Variants in ASTN2 observed in about 807,000 individuals in gnomAD.
ASTN2 encodes the protein astrotactin 2.
In ASTN2, 54 loss-of-function variants were observed where a neutral mutation model predicts 139.8. The observed-to-expected ratio is 0.39, with a 90% confidence interval of 0.31 to 0.48. ASTN2 has a LOEUF of 0.48. ASTN2 is among the 20% of genes least tolerant of loss of function. The pLI, the probability that ASTN2 is intolerant of heterozygous loss-of-function variation, is 0.95. For missense variants in ASTN2, 1,565 were observed against 1,725.1 expected (o/e 0.91, Z 1.64); for synonymous variants, 756 against 719.5 (o/e 1.05, Z -0.81).
At chr9:117,375,479 C>T (rs2226006) in intron 1 of ASTN2, among the ~76,000 whole-genome samples, 79,495 of 152,138 alleles carry the variant, frequency 0.52, 21,194 homozygotes, top group Admixed American at 0.6. Context: ...ATAACTTCCA[C>T]GAGCAAGCAT....
intron 10 of ASTN2, among the ~76,000 whole-genome samples, chr9:116,890,075 A>T (rs1833724569): frequency 6.6e-6 from 1 of 152,206 alleles, no homozygotes; most frequent in African/African-American, 2.4e-5. Flanking sequence ...ATTGATCAAC[A>T]TTTCAGAGGT....
At chr9:117,190,815 C>T (rs1831324913) in intron 3 of ASTN2, among the ~76,000 whole-genome samples, 1 of 152,116 alleles carries the variant, frequency 6.6e-6, no homozygotes, top group African/African-American at 2.4e-5. Context: ...CTTTCTCCCC[C>T]ATTGCAATTA....
chr9:117,019,954 C>T (rs1334089), intron 6 of ASTN2, among the ~76,000 whole-genome samples: 113,391 of 151,362 alleles, frequency 0.75, 42,642 homozygotes, highest in Middle Eastern at 0.83. Context: ...GATAAAGTAT[C>T]ATCTCAGATT....
chr9:116,962,253 A>G (rs1458274652), intron 10 of ASTN2, among the ~76,000 whole-genome samples: 2 of 152,156 alleles, frequency 1.3e-5, no homozygotes, highest in Non-Finnish European at 2.9e-5. Context: ...CTATCCACAC[A>G]CTGCCTCCCC....
intron 10 of ASTN2, among the ~76,000 whole-genome samples, chr9:116,945,521 T>C (rs1364211142): frequency 6.6e-6 from 1 of 152,140 alleles, no homozygotes; most frequent in African/African-American, 2.4e-5. Context: ...TATTCATACA[T>C]TCATTGCCTT....
intron 3 of ASTN2, among the ~76,000 whole-genome samples, chr9:117,153,278 A>G (rs1830362824): frequency 6.6e-6 from 1 of 152,092 alleles, no homozygotes; most frequent in Non-Finnish European, 1.5e-5. Flanking sequence ...GCTCTGCAGC[A>G]TGGAGCAGAG....
chr9:116,772,785 G>A (rs916568135), intron 13 of ASTN2, among the ~76,000 whole-genome samples: 2 of 152,102 alleles, frequency 1.3e-5, no homozygotes, highest in African/African-American at 2.4e-5. Flanking sequence ...TCTCATCTTG[G>A]CTGCAGTCAT....
intron 13 of ASTN2, among the ~76,000 whole-genome samples, chr9:116,801,012 T>C (rs1830831699): frequency 6.6e-6 from 1 of 152,032 alleles, no homozygotes; most frequent in South Asian, 2.1e-4. Flanking sequence ...ACTGCAGCTG[T>C]CACACAGGAG....
intron 1 of ASTN2, among the ~76,000 whole-genome samples, chr9:117,395,966 C>A (rs1159625034): frequency 6.6e-6 from 1 of 152,204 alleles, no homozygotes; most frequent in East Asian, 1.9e-4. Context: ...TTAACAGCAG[C>A]TCTAACATGC....
In ASTN2 at chr9:117,350,839, C is replaced by T. The variant is rs187902157; in HGVS notation, c.443-59326G>A. On this transcript the variant is annotated intron_variant, in intron 1 of 22. Coordinates refer to ENST00000313400, the MANE Select transcript of ASTN2 (RefSeq NM_001365068.1). Reference sequence around the variant, plus strand: ...TATATGAACAAAATGTCTAGAAGTTCGGTGAGCTGGGAAAGACATGCAGCA... The same window carrying T: ...TATATGAACAAAATGTCTAGAAGTTTGGTGAGCTGGGAAAGACATGCAGCA... 7.3e-4 allele frequency among the ~76,000 whole-genome samples: 111 copies of T among 152,188 alleles called. 1 individual carries two copies. Among genetic ancestry groups the T allele is most frequent in the African/African-American group, 2.3e-3 (96 of 41,542 alleles).
chr9:117,346,079 T>G lies in ASTN2; in HGVS notation c.443-54566A>C, dbSNP rs976081918. The stretch of plus-strand genomic sequence containing the variant: ...TTCCAGATGTTTTATTGTCTAACCC[T>G]CAGTGGAGGCTCAGGGGTGTTACAG... On this transcript the variant is annotated intron_variant, in intron 1 of 22. Coordinates refer to ENST00000313400, the MANE Select transcript of ASTN2 (RefSeq NM_001365068.1). Among the ~76,000 whole-genome samples, 5 of 149,432 alleles carry G rather than the reference T, an allele frequency of 3.3e-5. No homozygotes were observed. The Admixed American group carries it at 3.3e-4, about 10-fold the overall frequency.
intron 16 of ASTN2, among the ~76,000 whole-genome samples, chr9:116,723,283 C>G (rs906632327): frequency 5.3e-5 from 8 of 152,174 alleles, no homozygotes; most frequent in African/African-American, 1.9e-4. Flanking sequence ...TATGTACCTA[C>G]TATGTACCAG....
At chr9:117,220,534 T>C (rs1284363566) in intron 2 of ASTN2, among the ~76,000 whole-genome samples, 2 of 152,160 alleles carry the variant, frequency 1.3e-5, no homozygotes, top group Non-Finnish European at 2.9e-5. Context: ...CAATGACTGG[T>C]ATCCTCATAA....
Position 116,517,427 on chromosome 9 carries a change from T to G in ASTN2, c.3356-29927A>C, listed in dbSNP as rs568361933. Among the ~76,000 whole-genome samples the G allele has an allele frequency of 3.0e-3, 464 of 152,292 alleles. 5 individuals are homozygous for G. Among genetic ancestry groups the G allele is most frequent in the Middle Eastern group, 0.017 (5 of 294 alleles). On this transcript the variant is annotated intron_variant, in intron 19 of 22. Coordinates refer to ENST00000313400, the MANE Select transcript of ASTN2 (RefSeq NM_001365068.1). ...CAAAACAATCACTACATTTCAGCTC[T>G]GAGGAAGCCCCATTCCTAGGGAAGG... is the stretch of plus-strand genomic sequence containing the variant.
chr9:117,043,037 A>AT (rs1246463602), intron 5 of ASTN2, among the ~76,000 whole-genome samples: 6 of 151,938 alleles, frequency 3.9e-5, no homozygotes, highest in Non-Finnish European at 8.8e-5. Context: ...CACCCAGCTA[A>AT]TTTTTGTATT....
At chr9:116,626,146 GTTTTTGTGTTTTTTTTTTT>G (rs1856442543) in intron 17 of ASTN2, among the ~76,000 whole-genome samples, 1 of 78,468 alleles carries the variant, frequency 1.3e-5, no homozygotes. Flanking sequence ...TGCCTGGTTA[GTTTTTGTGTTTTTTTTTTT>G]TTTTTTTTTT....
chr9:117,067,992 C>G (rs1472704121), intron 5 of ASTN2, among the ~76,000 whole-genome samples: 1 of 105,778 alleles, frequency 9.5e-6, no homozygotes, highest in Non-Finnish European at 1.9e-5. Context: ...AATTGAAGAC[C>G]CTTTATTTCC....
intron 2 of ASTN2, among the ~76,000 whole-genome samples, chr9:117,239,991 C>T (rs919501339): frequency 2.0e-5 from 3 of 152,108 alleles, no homozygotes; most frequent in Non-Finnish European, 4.4e-5. Flanking sequence ...TCTGATAAAC[C>T]CATTTTATGT....
intron 6 of ASTN2, among the ~76,000 whole-genome samples, chr9:117,037,852 G>A (rs567974013): frequency 1.3e-5 from 2 of 152,088 alleles, no homozygotes; most frequent in South Asian, 2.1e-4. Flanking sequence ...TTCTAGCTGC[G>A]TAATCCATCA....
Sources: allele counts gnomAD v4.1 joint callset (sites outside exome capture counted in the v4.1 genomes callset), GRCh38; gene constraint gnomAD v4.1.1; transcripts MANE v1.5; gene names NCBI Gene and HGNC (gene_info 2026-07-23, HGNC 2026-07-21).